The following CAPZA2 variants were observed in gnomAD, a reference collection of about 807,000 sequenced individuals.
CAPZA2 encodes capping actin protein of muscle Z-line subunit alpha 2.
A neutral mutation model predicts 44.0 loss-of-function variants in CAPZA2; 13 were observed. The observed-to-expected ratio is 0.30, with a 90% CI of 0.19 to 0.47. CAPZA2 has a LOEUF of 0.47. Ranked by LOEUF, CAPZA2 falls within the 20% of genes least tolerant of loss-of-function variation. CAPZA2 has a pLI of 1.00. For synonymous variants in CAPZA2, 94 were observed against 108.2 expected (o/e 0.87, Z 0.81); for missense variants, 244 against 338.6 (o/e 0.72, Z 2.19).
chr7:116,886,893 C>G (rs1050460088), intron 1 of CAPZA2, among the ~76,000 whole-genome samples: 1 of 152,158 alleles, frequency 6.6e-6, no homozygotes, highest in African/African-American at 2.4e-5. Flanking sequence ...CATCATCTAC[C>G]CTCTCAGATA....
At chr7:116,893,692 A>G (rs757966182) in intron 3 of CAPZA2, among the ~76,000 whole-genome samples, 4 of 152,068 alleles carry the variant, frequency 2.6e-5, no homozygotes, top group Non-Finnish European at 4.4e-5. Flanking sequence ...ATTTTCTTTT[A>G]TGTTTGACCC....
At chr7:116,906,399 TCTTG>T in intron 6 of CAPZA2, 57 bp downstream of exon 6, 6 of 1,584,102 alleles carry the variant, frequency 3.8e-6, no homozygotes, top group Non-Finnish European at 5.1e-6. Flanking sequence ...TCTTTGTAGT[TCTTG>T]CTTTAGTGAT....
chr7:116,869,810 T>C (rs1216763265), intron 1 of CAPZA2, among the ~76,000 whole-genome samples: 1 of 152,216 alleles, frequency 6.6e-6, no homozygotes, highest in Non-Finnish European at 1.5e-5. Context: ...ATCTAAACTT[T>C]CTTCTCAGTC....
At position 116,917,746 on chromosome 7, in the gene CAPZA2, A is replaced by T; in HGVS notation, c.740A>T (p.Tyr247Phe). ...TCATAGACTGCCATCAGTGAGAATT[A>T]TCAGACAATGTCGGACACTACTTTC... Reference protein sequence around the residue: ...NEYQTAISENYQTMSDTTFKA... With the variant: ...NEYQTAISENFQTMSDTTFKA... The change falls in exon 10 of 10, where the codon TAT becomes TTT. Residue 247 changes from tyrosine to phenylalanine, a missense_variant. Tyr to Phe is a conservative substitution (Grantham distance 22, BLOSUM62 3). Coordinates refer to ENST00000361183, the MANE Select transcript of CAPZA2 (RefSeq NM_006136.3). 6.2e-7 allele frequency: 1 copy of T among 1,608,992 alleles called. No individual in the cohort carries two copies.
intron 4 of CAPZA2, among the ~76,000 whole-genome samples, chr7:116,901,076 A>G (rs1261620037): frequency 6.6e-6 from 1 of 152,054 alleles, no homozygotes; most frequent in African/African-American, 2.4e-5. Flanking sequence ...GTGTATATTC[A>G]ACTATTATAG....
intron 3 of CAPZA2, among the ~76,000 whole-genome samples, chr7:116,897,104 G>T (rs974073717): frequency 1.3e-5 from 2 of 152,008 alleles, no homozygotes; most frequent in African/African-American, 4.8e-5. Context: ...GTTAGAGGTG[G>T]ATGGCGTTTT....
chr7:116,876,247 C>G (rs1796619718), intron 1 of CAPZA2: 1 of 132,706 alleles, frequency 7.5e-6, no homozygotes. Context: ...GAGACTCCAT[C>G]TCAAAAAAAA....
At position 116,918,257 on chromosome 7, in the gene CAPZA2, A is replaced by G. The variant is rs763122630; in HGVS notation, c.*390A>G. ...TCCCCAGTTCTTTTTAATGGGGTCA[A>G]TAATGGACATTCTAGTTTAAGGTGG... On this transcript the variant is annotated 3_prime_UTR_variant, in exon 10 of 10. Transcript: ENST00000361183. 4.1e-5 allele frequency: 7 copies of G among 171,788 alleles called. No individual in the cohort carries two copies. The highest frequency in any genetic ancestry group is 7.7e-5 in the Non-Finnish European group (6 of 78,304). The allele number at this position is 171,788 out of a possible 1,614,324, so 10.6% of individuals were successfully genotyped here. A position where few individuals can be genotyped will look rare whatever the true frequency, so the allele number is the denominator to read the frequency against.
chr7:116,920,987 A>C lies in CAPZA2; in HGVS notation c.*3120A>C, dbSNP rs1259948243. On this transcript the variant is annotated 3_prime_UTR_variant, in exon 10 of 10. Transcript: ENST00000361183. ...ATGGTCTGTGGAATTTCAGCTGGGT[A>C]AGCAGGGAAGTGAGGGCTTGAGACG... 1 of 152,374 alleles carries C rather than the reference A, an allele frequency of 6.6e-6. No individual in the cohort carries two copies. The highest frequency in any genetic ancestry group is 1.5e-5 in the Non-Finnish European group (1 of 68,210). The allele number at this position is 152,374 out of a possible 1,614,324, so 9.4% of individuals were successfully genotyped here.
intron 6 of CAPZA2, chr7:116,909,951 C>T (rs1791568363): frequency 2.5e-6 from 1 of 394,804 alleles, no homozygotes; most frequent in Non-Finnish European, 4.8e-6. Flanking sequence ...AACAGCACTG[C>T]ACACACACCA....
chr7:116,904,046 G>C, intron 4 of CAPZA2, 131 bp from the exon 5 acceptor site: 1 of 626,694 alleles, frequency 1.6e-6, no homozygotes, highest in Non-Finnish European at 2.8e-6. Flanking sequence ...GTACCATATG[G>C]TTAAAATATA....
chr7:116,904,545 A>G (rs755191435), intron 5 of CAPZA2, 162 bp downstream of exon 5: 261 of 588,498 alleles, frequency 4.4e-4, no homozygotes, highest in Non-Finnish European at 7.3e-4. Flanking sequence ...GAAATTCTGG[A>G]TAATAAATAG....
At chr7:116,870,290 G>A (rs1208808338) in intron 1 of CAPZA2, among the ~76,000 whole-genome samples, 1 of 152,138 alleles carries the variant, frequency 6.6e-6, no homozygotes, top group Non-Finnish European at 1.5e-5. Flanking sequence ...TAGGGGTATG[G>A]TAAACATCAG....
chr7:116,881,486 T>A (rs191671273), intron 1 of CAPZA2, among the ~76,000 whole-genome samples: 1 of 152,056 alleles, frequency 6.6e-6, no homozygotes, highest in Admixed American at 6.6e-5. Flanking sequence ...ACACCTGTAA[T>A]CCCAGCACTT....
At chr7:116,910,385 T>C (rs1791575216) in intron 7 of CAPZA2, 74 bp downstream of exon 7, 5 of 768,870 alleles carry the variant, frequency 6.5e-6, no homozygotes, top group Non-Finnish European at 1.1e-5. Context: ...AAGTTTACAT[T>C]TTCATAGTAT....
chr7:116,869,722 C>T (rs1345128702), intron 1 of CAPZA2, among the ~76,000 whole-genome samples: 3 of 152,178 alleles, frequency 2.0e-5, no homozygotes, highest in African/African-American at 7.2e-5. Flanking sequence ...TCATTCATTC[C>T]ATGTATGTCT....
intron 1 of CAPZA2, among the ~76,000 whole-genome samples, chr7:116,878,742 GTAA>G (rs1469239156): frequency 2.6e-5 from 4 of 152,176 alleles, no homozygotes; most frequent in African/African-American, 9.7e-5. Context: ...AGACAACACA[GTAA>G]TACATGGGCA....
chr7:116,908,033 G>A (rs1217213340), intron 6 of CAPZA2, among the ~76,000 whole-genome samples: 1 of 152,038 alleles, frequency 6.6e-6, no homozygotes, highest in Non-Finnish European at 1.5e-5. Context: ...GACCAAGGTA[G>A]GAGGATGGCC....
intron 2 of CAPZA2, 29 bp from the exon 3 acceptor site, chr7:116,892,965 A>G (rs376828966): frequency 1.1e-5 from 17 of 1,510,438 alleles, no homozygotes; most frequent in South Asian, 9.4e-5. Context: ...TATAACAATA[A>G]TAATGTAGAT....
Sources: gnomAD v4.1 joint callset for allele counts (sites outside exome capture counted in the v4.1 genomes callset) on GRCh38, gnomAD v4.1.1 for gene constraint, MANE v1.5 for transcripts, NCBI Gene and HGNC (gene_info 2026-07-23, HGNC 2026-07-21) for gene names.